The following TRIM16 variants were observed in gnomAD, a reference collection of about 807,000 sequenced individuals.
The protein encoded by TRIM16 is tripartite motif containing 16.
TRIM16 carries 33 observed loss-of-function variants against 50.4 expected under a neutral mutation model. The observed-to-expected ratio is 0.65, with a 90% confidence interval of 0.50 to 0.88. TRIM16 has a LOEUF of 0.88. Ranked by LOEUF, TRIM16 falls within the 40% of genes least tolerant of loss-of-function variation. The pLI, the probability that TRIM16 is intolerant of heterozygous loss-of-function variation, is 0.00. For synonymous variants in TRIM16, 229 were observed against 270.7 expected, an observed-to-expected ratio of 0.85 and a Z score of 1.51; for missense variants, 581 against 686.8, an observed-to-expected ratio of 0.85 and a Z score of 1.72.
At chr17:15,670,749 T>C (rs1988692741) in intron 6 of TRIM16, among the ~76,000 whole-genome samples, 1 of 152,274 alleles carries the variant, frequency 6.6e-6, no homozygotes, top group Non-Finnish European at 1.5e-5. Flanking sequence ...TTGGTGTTAC[T>C]GGAATCTTTT....
chr17:15,646,441 A>T (rs571770204), intron 7 of TRIM16, among the ~76,000 whole-genome samples: 1 of 139,012 alleles, frequency 7.2e-6, no homozygotes, highest in South Asian at 2.4e-4. Context: ...GGGCACACAG[A>T]GCTCTGCCTG....
chr17:15,646,968 T>TC (rs1377922190), intron 7 of TRIM16, among the ~76,000 whole-genome samples: 3 of 151,086 alleles, frequency 2.0e-5, no homozygotes, highest in Non-Finnish European at 4.4e-5. Flanking sequence ...TGAAATAAAT[T>TC]CTTTTTTTTT....
At chr17:15,665,372 G>A in intron 6 of TRIM16, among the ~76,000 whole-genome samples, 1 of 152,176 alleles carries the variant, frequency 6.6e-6, no homozygotes. Flanking sequence ...AGCCGGGCAT[G>A]GTGGTGGGTG....
chr17:15,682,713 G>A, intron 3 of TRIM16, 141 bp downstream of exon 3: 1 of 752,178 alleles, frequency 1.3e-6, no homozygotes, highest in Non-Finnish European at 1.8e-6. Flanking sequence ...CTCTTCCAAG[G>A]AGTCCGACTT....
intron 11 of TRIM16, among the ~76,000 whole-genome samples, chr17:15,630,030 G>A (rs1405938907): frequency 6.6e-6 from 1 of 152,146 alleles, no homozygotes; most frequent in Non-Finnish European, 1.5e-5. Flanking sequence ...CTTTCATGGT[G>A]TCCCTTGCTC....
At chr17:15,682,046 A>G (rs1225210229) in intron 3 of TRIM16, among the ~76,000 whole-genome samples, 3 of 152,074 alleles carry the variant, frequency 2.0e-5, no homozygotes, top group Non-Finnish European at 4.4e-5. Context: ...TTCATTTCCT[A>G]ATTTTACAAA....
intron 8 of TRIM16, among the ~76,000 whole-genome samples, chr17:15,639,448 C>T (rs896672): frequency 0.056 from 8,233 of 146,820 alleles, 1,003 homozygotes; most frequent in African/African-American, 0.18. Context: ...GCTGTGGTAA[C>T]AGGATTAAGG....
At position 15,651,911 on chromosome 17, in the gene TRIM16, A is replaced by G; in HGVS notation, c.-302T>C. 7.6e-7 allele frequency: 1 copy of G among 1,320,892 alleles called. No homozygotes were observed. 81.8% of individuals were successfully genotyped at this position (1,320,892 alleles called of 1,614,324 possible). On this transcript the variant is annotated 5_prime_UTR_variant, in exon 7 of 12. Coordinates refer to ENST00000649191, the MANE Select transcript of TRIM16 (RefSeq NM_001348119.1). The stretch of plus-strand genomic sequence containing the variant: ...CTTATGTGAATCATCTGAACCCCAT[A>G]GGCTCTGCTGAAGACCACGTGTCTC...
At chr17:15,644,480 G>A (rs528205990) in intron 7 of TRIM16, among the ~76,000 whole-genome samples, 36 of 152,196 alleles carry the variant, frequency 2.4e-4, no homozygotes, top group Non-Finnish European at 3.4e-4. Context: ...GTGAACCACC[G>A]CGCCTGATGC....
chr17:15,644,974 C>G (rs1987296860), intron 7 of TRIM16, among the ~76,000 whole-genome samples: 1 of 151,890 alleles, frequency 6.6e-6, no homozygotes, highest in Admixed American at 6.6e-5. Context: ...CACCGCCACA[C>G]CCGGTTAATT....
intron 6 of TRIM16, among the ~76,000 whole-genome samples, chr17:15,660,953 A>G (rs1299117662): frequency 6.6e-6 from 1 of 151,428 alleles, no homozygotes; most frequent in Admixed American, 6.6e-5. Flanking sequence ...CCTCCGTGAG[A>G]GCAAAATAAC....
At chr17:15,659,022 T>A in intron 6 of TRIM16, 1 of 295,736 alleles carries the variant, frequency 3.4e-6, no homozygotes, top group Non-Finnish European at 5.0e-6. Context: ...TAATGACGGC[T>A]CCTCCGCAAG....
At chr17:15,637,310 C>T in intron 8 of TRIM16, among the ~76,000 whole-genome samples, 1 of 113,186 alleles carries the variant, frequency 8.8e-6, no homozygotes, top group African/African-American at 3.9e-5. Context: ...TGAGGAGCCC[C>T]TCAGCCCGGC....
At chr17:15,681,414 A>G (rs189555316) in intron 3 of TRIM16, among the ~76,000 whole-genome samples, 2 of 152,374 alleles carry the variant, frequency 1.3e-5, no homozygotes, top group East Asian at 3.9e-4. Flanking sequence ...CCCCATCGTG[A>G]GTATTCCAGG....
chr17:15,639,046 T>TCTC (rs1491322750), intron 8 of TRIM16, among the ~76,000 whole-genome samples: 1 of 87,854 alleles, frequency 1.1e-5, no homozygotes, highest in Non-Finnish European at 2.0e-5. Context: ...TCTCTCTCTC[T>TCTC]TTTTTTTTTT....
At chr17:15,654,798 A>T (rs1204917802) in intron 6 of TRIM16, among the ~76,000 whole-genome samples, 1 of 152,186 alleles carries the variant, frequency 6.6e-6, no homozygotes, top group Non-Finnish European at 1.5e-5. Flanking sequence ...CTTAAAAGGT[A>T]ACCAGACTAT....
At chr17:15,683,262 T>C in intron 1 of TRIM16, 105 bp from the exon 2 acceptor site, 2 of 923,472 alleles carry the variant, frequency 2.2e-6, no homozygotes, top group Non-Finnish European at 1.6e-6. Context: ...CAGTATCTTT[T>C]GAGCTAAAGC....
chr17:15,675,108 T>C (rs1680849131), intron 6 of TRIM16, among the ~76,000 whole-genome samples: 1 of 151,728 alleles, frequency 6.6e-6, no homozygotes, highest in Admixed American at 6.6e-5. Flanking sequence ...ACAGCAGTCA[T>C]TTCAGGTACA....
At chr17:15,666,661 A>C in intron 6 of TRIM16, among the ~76,000 whole-genome samples, 1 of 152,180 alleles carries the variant, frequency 6.6e-6, no homozygotes, top group East Asian at 1.9e-4. Context: ...AAATGGAAAT[A>C]TATAGTAGGC....
Sources: allele counts gnomAD v4.1 joint callset (sites outside exome capture counted in the v4.1 genomes callset), GRCh38; gene constraint gnomAD v4.1.1; transcripts MANE v1.5; gene names NCBI Gene and HGNC (gene_info 2026-07-23, HGNC 2026-07-21).